Variants in RBFOX3 observed in about 807,000 individuals in gnomAD.
RBFOX3 encodes the protein RNA binding protein fox-1 homolog 3.
A neutral mutation model predicts 48.7 loss-of-function variants in RBFOX3; 17 were observed. The ratio of observed to expected loss-of-function variants is 0.35; its 90% CI spans 0.24 to 0.52. The LOEUF (loss-of-function observed/expected upper bound fraction) is 0.52, where lower values mean the gene tolerates loss of function less well. RBFOX3 is among the 20% of genes least tolerant of loss of function. The pLI, the probability that RBFOX3 is intolerant of heterozygous loss-of-function variation, is 0.94. For synonymous variants in RBFOX3, 212 were observed against 209.5 expected (o/e 1.01, Z -0.10); for missense variants, 382 against 497.5 (o/e 0.77, Z 2.21).
intron 9 of RBFOX3, chr17:79,098,109 A>G (rs948012782): frequency 8.6e-6 from 2 of 233,852 alleles, no homozygotes; most frequent in Admixed American, 4.7e-5. Flanking sequence ...CCCTGAGCAC[A>G]GCTGGGATGA....
chr17:79,244,322 G>C (rs1432633883), intron 3 of RBFOX3, among the ~76,000 whole-genome samples: 1 of 152,124 alleles, frequency 6.6e-6, no homozygotes, highest in Non-Finnish European at 1.5e-5. Context: ...GAAAGGACAA[G>C]GAAGGAACCT....
intron 4 of RBFOX3, among the ~76,000 whole-genome samples, chr17:79,233,032 G>A (rs1294335804): frequency 6.6e-6 from 1 of 152,194 alleles, no homozygotes; most frequent in Non-Finnish European, 1.5e-5. Context: ...ATATGTCCAT[G>A]CACAGACTTG....
chr17:79,159,488 C>G (rs1212572997), intron 4 of RBFOX3, among the ~76,000 whole-genome samples: 1 of 152,202 alleles, frequency 6.6e-6, no homozygotes, highest in East Asian at 1.9e-4. Context: ...CCACACGCAT[C>G]TGTGGCAGGC....
intron 3 of RBFOX3, among the ~76,000 whole-genome samples, chr17:79,283,159 C>T (rs1410959236): frequency 4.6e-5 from 7 of 152,222 alleles, no homozygotes; most frequent in Non-Finnish European, 8.8e-5. Context: ...GAGCAGCCTC[C>T]GTTAGTAGGT....
chr17:79,218,324 C>T (rs924564440), intron 4 of RBFOX3, among the ~76,000 whole-genome samples: 2 of 151,948 alleles, frequency 1.3e-5, no homozygotes, highest in Non-Finnish European at 2.9e-5. Context: ...GGAGGATCCT[C>T]CTATGGGGGC....
intron 2 of RBFOX3, among the ~76,000 whole-genome samples, chr17:79,367,326 CTTCAT>C (rs1385764487): frequency 2.1e-5 from 3 of 140,794 alleles, no homozygotes; most frequent in Non-Finnish European, 4.6e-5. Context: ...CCCTCCTCTT[CTTCAT>C]TTCCTCTTCC....
intron 3 of RBFOX3, among the ~76,000 whole-genome samples, chr17:79,291,720 A>G (rs1320492721): frequency 6.6e-6 from 1 of 152,120 alleles, no homozygotes; most frequent in East Asian, 1.9e-4. Context: ...AGCAGTGTGG[A>G]AGAGCCCCTG....
rs530575494 is a variant in RBFOX3 at position 79,304,224 on chromosome 17, T to C, written c.-74+3500A>G. 3.3e-5 allele frequency among the ~76,000 whole-genome samples: 5 copies of C among 152,192 alleles called. No homozygotes were observed. The East Asian group carries it at 9.7e-4, about 29-fold the overall frequency. On this transcript the variant is annotated intron_variant, in intron 3 of 14. Coordinates refer to ENST00000693108, the MANE Select transcript of RBFOX3 (RefSeq NM_001350451.2). ...CTTGAGGGACTGGTTATGGTTTTTC[T>C]ATGCAACAGAATGATATTCAATCAT...
chr17:79,626,876 T>A, the RBFOX3 span, among the ~76,000 whole-genome samples: 1 of 152,234 alleles, frequency 6.6e-6, no homozygotes, highest in East Asian at 1.9e-4. Flanking sequence ...TCTGAGAAAA[T>A]TAACTTCTGA....
chr17:79,494,563 T>C (rs2081168644), intron 1 of RBFOX3, among the ~76,000 whole-genome samples: 1 of 152,218 alleles, frequency 6.6e-6, no homozygotes, highest in Non-Finnish European at 1.5e-5. Flanking sequence ...CAGAGCACTG[T>C]GGACACAGGG....
intron 4 of RBFOX3, among the ~76,000 whole-genome samples, chr17:79,150,905 C>T (rs764269429): frequency 2.0e-5 from 3 of 152,220 alleles, no homozygotes; most frequent in Non-Finnish European, 4.4e-5. Context: ...ATGCCTAGCG[C>T]CGCCTGCGAG....
chr17:79,537,230 G>C (rs965615983), intron 1 of RBFOX3, among the ~76,000 whole-genome samples: 1 of 151,896 alleles, frequency 6.6e-6, no homozygotes, highest in Non-Finnish European at 1.5e-5. Context: ...CTCCTCCCTC[G>C]CCCCTTCCGG....
At chr17:79,436,397 G>A (rs1029308550) in intron 2 of RBFOX3, among the ~76,000 whole-genome samples, 3 of 152,260 alleles carry the variant, frequency 2.0e-5, no homozygotes, top group Admixed American at 6.5e-5. Context: ...GCATGAGTAC[G>A]GTTGAAGCAG....
At chr17:79,259,125 C>T (rs554639529) in intron 3 of RBFOX3, among the ~76,000 whole-genome samples, 8 of 152,370 alleles carry the variant, frequency 5.3e-5, no homozygotes, top group Non-Finnish European at 7.3e-5. Flanking sequence ...GTAGGGATGA[C>T]GACAGCAGAG....
At chr17:79,230,073 T>C (rs961283301) in intron 4 of RBFOX3, among the ~76,000 whole-genome samples, 2 of 152,140 alleles carry the variant, frequency 1.3e-5, no homozygotes, top group African/African-American at 2.4e-5. Context: ...TCATGGGTCC[T>C]CCTCAGCTAT....
chr17:79,431,195 C>T (rs1049077090), intron 2 of RBFOX3, among the ~76,000 whole-genome samples: 2 of 152,188 alleles, frequency 1.3e-5, no homozygotes, highest in Non-Finnish European at 2.9e-5. Flanking sequence ...ACCTTAAACA[C>T]GCGGTCTGTT....
chr17:79,624,819 CA>C, the RBFOX3 span, among the ~76,000 whole-genome samples: 1 of 133,310 alleles, frequency 7.5e-6, no homozygotes, highest in Admixed American at 7.5e-5. Flanking sequence ...CCCCGCCCCC[CA>C]CCCCCCGCCC....
At chr17:79,608,357 T>G (rs1198584805) in intron 1 of RBFOX3, among the ~76,000 whole-genome samples, 1 of 152,234 alleles carries the variant, frequency 6.6e-6, no homozygotes, top group African/African-American at 2.4e-5. Flanking sequence ...CCTGGACTCC[T>G]GGCTCCTCCT....
At chr17:79,412,774 T>G (rs2064662856) in intron 2 of RBFOX3, among the ~76,000 whole-genome samples, 1 of 151,700 alleles carries the variant, frequency 6.6e-6, no homozygotes, top group Non-Finnish European at 1.5e-5. Flanking sequence ...GTGATGTCTG[T>G]GTGGTGTATG....
Sources: gnomAD v4.1 joint callset for allele counts (sites outside exome capture counted in the v4.1 genomes callset) on GRCh38, gnomAD v4.1.1 for gene constraint, MANE v1.5 for transcripts, NCBI Gene and HGNC (gene_info 2026-07-23, HGNC 2026-07-21) for gene names.